Variants in DCUN1D4 observed in about 807,000 individuals in gnomAD.
DCUN1D4 encodes the protein DCN1-like protein 4.
A neutral mutation model predicts 47.9 loss-of-function variants in DCUN1D4; 22 were observed. That is an observed-to-expected ratio of 0.46 (90% confidence interval 0.33 to 0.66). DCUN1D4 has a LOEUF of 0.66. DCUN1D4 is among the 30% of genes least tolerant of loss of function. DCUN1D4 has a pLI of 0.02. For missense variants in DCUN1D4, 301 were observed against 340.8 expected (o/e 0.88, Z 0.92); for synonymous variants, 121 against 112.2 (o/e 1.08, Z -0.50).
intron 1 of DCUN1D4, chr4:51,844,478 G>A (rs892684834): frequency 1.1e-6 from 1 of 911,214 alleles, no homozygotes; most frequent in African/African-American, 1.8e-5. Flanking sequence ...AGCAGCGGGA[G>A]CCGGAGGGGT....
chr4:51,895,338 T>C (rs1420421351), intron 7 of DCUN1D4, among the ~76,000 whole-genome samples: 1 of 151,840 alleles, frequency 6.6e-6, no homozygotes, highest in African/African-American at 2.4e-5. Flanking sequence ...GGTGGTGAAG[T>C]ATGGCTTATG....
intron 1 of DCUN1D4, among the ~76,000 whole-genome samples, chr4:51,846,754 A>T (rs1487184237): frequency 2.6e-5 from 4 of 152,190 alleles, no homozygotes; most frequent in African/African-American, 9.7e-5. Context: ...AGAAACCTAG[A>T]AGTAGTTGGT....
chr4:51,890,232 T>C (rs1180088908), intron 6 of DCUN1D4, among the ~76,000 whole-genome samples: 12 of 152,200 alleles, frequency 7.9e-5, no homozygotes, highest in Non-Finnish European at 2.9e-5. Context: ...TCTCGGAGGC[T>C]CAGAAATCAT....
intron 1 of DCUN1D4, among the ~76,000 whole-genome samples, chr4:51,859,798 A>C (rs1724750911): frequency 6.6e-6 from 1 of 152,156 alleles, no homozygotes; most frequent in African/African-American, 2.4e-5. Flanking sequence ...CAGACTATAG[A>C]GTTGCCATGT....
chr4:51,861,992 C>T (rs1725143907), intron 1 of DCUN1D4, among the ~76,000 whole-genome samples: 1 of 152,264 alleles, frequency 6.6e-6, no homozygotes, highest in South Asian at 2.1e-4. Context: ...TCTGTGCAGT[C>T]GTATTTAGAT....
chr4:51,893,425 C>G (rs756435744), intron 7 of DCUN1D4, among the ~76,000 whole-genome samples: 1 of 151,026 alleles, frequency 6.6e-6, no homozygotes, highest in East Asian at 1.9e-4. Flanking sequence ...CTTTTCTTTT[C>G]TTTTCTTTTC....
intron 1 of DCUN1D4, among the ~76,000 whole-genome samples, chr4:51,856,243 G>A (rs1349530941): frequency 6.6e-6 from 1 of 152,096 alleles, no homozygotes; most frequent in East Asian, 1.9e-4. Flanking sequence ...CACTTGAAAA[G>A]CATTTGTTAA....
At chr4:51,867,683 G>A (rs1026138663) in intron 3 of DCUN1D4, among the ~76,000 whole-genome samples, 19 of 152,182 alleles carry the variant, frequency 1.2e-4, no homozygotes, top group African/African-American at 4.3e-4. Context: ...TTTCAGAGGG[G>A]AGAAAGCACG....
At chr4:51,868,262 C>T (rs1197660783) in intron 3 of DCUN1D4, among the ~76,000 whole-genome samples, 13 of 152,210 alleles carry the variant, frequency 8.5e-5, no homozygotes, top group Non-Finnish European at 1.5e-4. Flanking sequence ...GGCGAGACTC[C>T]TGCCCCCACA....
intron 6 of DCUN1D4, among the ~76,000 whole-genome samples, chr4:51,888,735 A>AT: frequency 6.6e-6 from 1 of 151,806 alleles, no homozygotes; most frequent in East Asian, 1.9e-4. Context: ...AAAAAAAAAA[A>AT]AAAAAAAACT....
intron 3 of DCUN1D4, among the ~76,000 whole-genome samples, chr4:51,864,622 T>A (rs1725610829): frequency 6.6e-6 from 1 of 152,164 alleles, no homozygotes; most frequent in Non-Finnish European, 1.5e-5. Flanking sequence ...TGGTGCCTCT[T>A]GCTCACTGCA....
chr4:51,886,499 A>C (rs566416512), intron 5 of DCUN1D4, 69 bp from the exon 6 acceptor site: 59 of 1,388,642 alleles, frequency 4.2e-5, no homozygotes, highest in African/African-American at 1.1e-4. Flanking sequence ...TGACAGTATA[A>C]TACTACTACA....
chr4:51,863,517 T>C lies in DCUN1D4; in HGVS notation c.96+10T>C, dbSNP rs765524028. On this transcript the variant is annotated intron_variant, in intron 2 of 10. Coordinates refer to ENST00000334635, the MANE Select transcript of DCUN1D4 (RefSeq NM_001040402.3). Reference sequence around the variant, plus strand: ...CACCCTTAATAAGCTGGTAAGTCATTCTTTTAAAGACAAAATTACCAACTG... The same window carrying C: ...CACCCTTAATAAGCTGGTAAGTCATCCTTTTAAAGACAAAATTACCAACTG... 16 of 1,607,790 alleles carry C rather than the reference T, an allele frequency of 1.0e-5. 1 individual carries two copies. In the South Asian group the frequency reaches 1.8e-4, roughly 18 times the overall value.
intron 1 of DCUN1D4, among the ~76,000 whole-genome samples, chr4:51,850,387 C>T (rs1577837101): frequency 6.6e-6 from 1 of 152,256 alleles, no homozygotes; most frequent in Non-Finnish European, 1.5e-5. Flanking sequence ...GGTTTTCTCC[C>T]TGGATGTGAT....
chr4:51,851,905 G>A (rs778178744), intron 1 of DCUN1D4, among the ~76,000 whole-genome samples: 7 of 152,188 alleles, frequency 4.6e-5, no homozygotes, highest in Non-Finnish European at 1.0e-4. Flanking sequence ...TCTAACTCAA[G>A]CATTCTGACT....
intron 4 of DCUN1D4, chr4:51,874,626 C>A: frequency 2.8e-6 from 1 of 359,398 alleles, no homozygotes; most frequent in Non-Finnish European, 5.1e-6. Flanking sequence ...CCATTGATCG[C>A]CCAAAACTGG....
chr4:51,854,632 C>A (rs1723856082), intron 1 of DCUN1D4, among the ~76,000 whole-genome samples: 1 of 152,208 alleles, frequency 6.6e-6, no homozygotes. Context: ...GTCTGTATTT[C>A]TTCATCACTC....
intron 4 of DCUN1D4, among the ~76,000 whole-genome samples, chr4:51,876,672 T>C (rs574197211): frequency 2.0e-5 from 3 of 152,096 alleles, no homozygotes; most frequent in Non-Finnish European, 2.9e-5. Flanking sequence ...ATGGAAAATA[T>C]ACTATTGAGG....
At chr4:51,879,072 T>C (rs1363327976) in intron 5 of DCUN1D4, among the ~76,000 whole-genome samples, 1 of 152,156 alleles carries the variant, frequency 6.6e-6, no homozygotes, top group Non-Finnish European at 1.5e-5. Flanking sequence ...CGAGAGGTTA[T>C]AGTTCTGATT....
Sources: gnomAD v4.1 joint callset for allele counts (sites outside exome capture counted in the v4.1 genomes callset) on GRCh38, gnomAD v4.1.1 for gene constraint, MANE v1.5 for transcripts, NCBI Gene and HGNC (gene_info 2026-07-23, HGNC 2026-07-21) for gene names.